Variants in RAP1GAP2 observed in about 807,000 individuals in gnomAD.
The protein encoded by RAP1GAP2 is rap1 GTPase-activating protein 2.
Under a neutral mutation model 95.0 loss-of-function variants are expected in RAP1GAP2, and 27 were observed. The ratio of observed to expected loss-of-function variants is 0.28; its 90% CI spans 0.21 to 0.39. The LOEUF is 0.39. RAP1GAP2 is among the 10% of genes least tolerant of loss of function. RAP1GAP2 has a pLI of 1.00. For missense variants in RAP1GAP2, 771 were observed against 970.0 expected, an observed-to-expected ratio of 0.79 and a Z score of 2.72; for synonymous variants, 373 against 380.9, an observed-to-expected ratio of 0.98 and a Z score of 0.24.
chr17:2,896,866 C>G (rs11655694), intron 2 of RAP1GAP2, among the ~76,000 whole-genome samples: 106,107 of 152,154 alleles, frequency 0.7, 37,774 homozygotes, highest in Non-Finnish European at 0.78. Flanking sequence ...TCCCCTTGTG[C>G]CCACGTGCAG....
In RAP1GAP2 at chr17:2,969,496, C is replaced by CTTTTT. The variant is rs34468461; in HGVS notation, c.596+3872_596+3876dup. On this transcript the variant is annotated intron_variant, in intron 8 of 24. Coordinates refer to ENST00000254695, the MANE Select transcript of RAP1GAP2 (RefSeq NM_015085.5). ...GTAAAGATGTGTAAATATATATATTCTTTTTTTTTTTTTTTTTTTTTTTGA... is the reference window on the plus strand; with the variant it reads ...GTAAAGATGTGTAAATATATATATTCTTTTTTTTTTTTTTTTTTTTTTTTTTTTGA... Among the ~76,000 whole-genome samples the CTTTTT allele has an allele frequency of 7.7e-3, 646 of 83,772 alleles. 35 individuals are homozygous for CTTTTT. The highest frequency in any genetic ancestry group is 0.01 in the East Asian group (25 of 2,400). 55.0% of individuals were successfully genotyped at this position (83,772 alleles called of 152,430 possible). A position where few individuals can be genotyped will look rare whatever the true frequency, so the allele number is the denominator to read the frequency against.
rs1348546975 is a variant in RAP1GAP2, at chr17:2,981,244, C to A, written c.725C>A (p.Pro242His). 6.2e-7 allele frequency: 1 copy of A among 1,610,070 alleles called. No homozygotes were observed. Among genetic ancestry groups the A allele is most frequent in the Non-Finnish European group, 8.5e-7 (1 of 1,177,930 alleles). Residue 242 changes from proline (P) to histidine (H), a missense_variant, in exon 10 of 25, where the codon CCC becomes CAC. Transcript: ENST00000254695. ...VGLRFNPVLY[P>H]KASQMIVSYD... Reference sequence around the variant, plus strand: ...CTGAGATTCAATCCTGTCCTGTACCCCAAGGTAAGGACCTTCATGCTCCCA... The same window carrying A: ...CTGAGATTCAATCCTGTCCTGTACCACAAGGTAAGGACCTTCATGCTCCCA...
chr17:3,002,571 C>G (rs184166417), intron 14 of RAP1GAP2, among the ~76,000 whole-genome samples: 79 of 152,296 alleles, frequency 5.2e-4, no homozygotes, highest in African/African-American at 1.9e-3. Context: ...TTAGCTGGCC[C>G]CTGCAGGCTC....
At chr17:2,786,738 C>T (rs939047527) in intron 1 of RAP1GAP2, among the ~76,000 whole-genome samples, 1 of 151,672 alleles carries the variant, frequency 6.6e-6, no homozygotes, top group Non-Finnish European at 1.5e-5. Flanking sequence ...CTCTGCCTCC[C>T]GGATTCAAGC....
Position 3,004,741 on chromosome 17 carries a change from C to A in RAP1GAP2, c.1201-628C>A, listed in dbSNP as rs926687141. 5.9e-5 allele frequency among the ~76,000 whole-genome samples: 9 copies of A among 152,268 alleles called. No individual in the cohort carries two copies. Among genetic ancestry groups the A allele is most frequent in the African/African-American group, 2.2e-4 (9 of 41,478 alleles). On this transcript the variant is annotated intron_variant, in intron 14 of 24. Transcript: ENST00000254695. The surrounding 1 kb of genome is among the most constrained non-coding windows in gnomAD (Gnocchi z 4.1). ...GGGCTCCCGAACACGGGTCCACCGG[C>A]TGCACGAGAGTTTCCGGGGGGCCCT...
chr17:2,963,330 C>A lies in RAP1GAP2; in HGVS notation c.247-100C>A. 2 of 1,290,372 alleles carry A rather than the reference C, an allele frequency of 1.5e-6. No homozygotes were observed. The highest frequency in any genetic ancestry group is 1.2e-5 in the South Asian group (1 of 83,622). 79.9% of individuals were successfully genotyped at this position (1,290,372 alleles called of 1,614,324 possible). A position where few individuals can be genotyped will look rare whatever the true frequency, so the allele number is the denominator to read the frequency against. On this transcript the variant is annotated intron_variant, in intron 5 of 24. Coordinates refer to ENST00000254695, the MANE Select transcript of RAP1GAP2 (RefSeq NM_015085.5). This position sits in a 1 kb window ranked among gnomAD's most constrained non-coding sequence, Gnocchi z 4.8. The stretch of plus-strand genomic sequence containing the variant: ...TCCATCGAATGTTCCTCCCTCAAAG[C>A]CCCCCCACAACATATCCCCCTTGCA...
intron 3 of RAP1GAP2, among the ~76,000 whole-genome samples, 196 bp from the exon 4 acceptor site, chr17:2,957,563 C>G (rs754229644): frequency 8.5e-5 from 13 of 152,226 alleles, no homozygotes; most frequent in Admixed American, 7.2e-4. Context: ...GCCTTAGCCT[C>G]TCTCCTGTTG....
chr17:3,006,422 G>A (rs1396980784), intron 16 of RAP1GAP2, among the ~76,000 whole-genome samples: 1 of 147,948 alleles, frequency 6.8e-6, no homozygotes, highest in Non-Finnish European at 1.5e-5. Context: ...GAGCCACTGC[G>A]CCTGGCCAAT....
intron 2 of RAP1GAP2, among the ~76,000 whole-genome samples, chr17:2,893,423 C>G (rs555711511): frequency 2.6e-5 from 4 of 152,326 alleles, no homozygotes; most frequent in African/African-American, 9.6e-5. Flanking sequence ...TCCTGGAAGT[C>G]TCAACAGGCT....
upstream of RAP1GAP2, among the ~76,000 whole-genome samples, chr17:2,795,098 G>C (rs537102768): frequency 5.3e-5 from 8 of 151,798 alleles, no homozygotes; most frequent in Admixed American, 5.2e-4. Context: ...GGCTGGTCTC[G>C]AACTCCTGAC....
rs539151085 is a variant in RAP1GAP2, at chr17:2,930,507, C to T, written c.165+25139C>T. Among the ~76,000 whole-genome samples, 5 of 152,354 alleles carry T rather than the reference C, an allele frequency of 3.3e-5. No individual in the cohort carries two copies. The South Asian group carries it at 1.0e-3, about 32-fold the overall frequency. On this transcript the variant is annotated intron_variant, in intron 3 of 24. Transcript: ENST00000254695. ...GCTTCTGTTACTTGCCCTGCATTTC[C>T]TACTTCGCAGGCTCATCCGGAGTTT...
chr17:2,837,334 G>A (rs1414595761), intron 2 of RAP1GAP2, among the ~76,000 whole-genome samples: 1 of 151,906 alleles, frequency 6.6e-6, no homozygotes, highest in South Asian at 2.1e-4. Flanking sequence ...CTCAGGCTGG[G>A]TAGGTTGAGA....
intron 3 of RAP1GAP2, among the ~76,000 whole-genome samples, chr17:2,931,935 T>C (rs1477986246): frequency 1.3e-5 from 2 of 152,056 alleles, no homozygotes; most frequent in Admixed American, 6.6e-5. Flanking sequence ...CCCCCAAAAT[T>C]TCCAGCTTCT....
intron 1 of RAP1GAP2, among the ~76,000 whole-genome samples, chr17:2,758,739 A>G (rs1381341456): frequency 6.6e-6 from 1 of 152,122 alleles, no homozygotes; most frequent in Non-Finnish European, 1.5e-5. Flanking sequence ...TCACTTGTAA[A>G]TTGTAGAAAT....
chr17:2,876,097 C>A (rs1167515376), intron 2 of RAP1GAP2, among the ~76,000 whole-genome samples: 2 of 151,844 alleles, frequency 1.3e-5, no homozygotes, highest in African/African-American at 4.8e-5. Flanking sequence ...GCCCCCACGC[C>A]CGGCTAATTT....
chr17:3,017,217 T>C (rs1239883243), intron 17 of RAP1GAP2, among the ~76,000 whole-genome samples: 2 of 152,052 alleles, frequency 1.3e-5, no homozygotes, highest in Non-Finnish European at 2.9e-5. Flanking sequence ...GTTCTCACTC[T>C]CACATGTACT....
intron 3 of RAP1GAP2, among the ~76,000 whole-genome samples, chr17:2,919,881 A>G (rs1418300116): frequency 1.3e-5 from 2 of 151,826 alleles, no homozygotes; most frequent in Non-Finnish European, 2.9e-5. Context: ...TTGTATTTGT[A>G]GTAGAGATGG....
intron 1 of RAP1GAP2, among the ~76,000 whole-genome samples, chr17:2,780,562 C>G (rs1006759479): frequency 6.6e-6 from 1 of 152,192 alleles, no homozygotes. Flanking sequence ...TGCACCCCCC[C>G]CAGGAGAGGT....
At chr17:2,985,995 C>G (rs962362474) in intron 11 of RAP1GAP2, among the ~76,000 whole-genome samples, 3 of 152,066 alleles carry the variant, frequency 2.0e-5, no homozygotes, top group African/African-American at 7.2e-5. Flanking sequence ...CCCATTTCAT[C>G]TTTGTATCAT....
Sources: allele counts gnomAD v4.1 joint callset (sites outside exome capture counted in the v4.1 genomes callset), GRCh38; gene constraint gnomAD v4.1.1; non-coding constraint Gnocchi (gnomAD v3.1); transcripts MANE v1.5; gene names NCBI Gene and HGNC (gene_info 2026-07-23, HGNC 2026-07-21).